Variants in DCP1B observed in about 807,000 individuals in gnomAD.
DCP1B encodes decapping mRNA 1B, also known as mRNA-decapping enzyme 1B.
A neutral mutation model predicts 60.5 loss-of-function variants in DCP1B; 47 were observed. The observed-to-expected ratio is 0.78, with a 90% confidence interval of 0.61 to 0.99. The LOEUF (loss-of-function observed/expected upper bound fraction) is 0.99, where lower values mean the gene tolerates loss of function less well. Ranked by LOEUF, DCP1B falls within the 50% of genes least tolerant of loss-of-function variation. DCP1B has a pLI of 0.00. For missense variants in DCP1B, 725 were observed against 756.8 expected (o/e 0.96, Z 0.49); for synonymous variants, 267 against 280.3 (o/e 0.95, Z 0.47).
chr12:1,991,409 C>T (rs770643452), intron 3 of DCP1B: 4 of 234,494 alleles, frequency 1.7e-5, no homozygotes, highest in Admixed American at 5.1e-5. Flanking sequence ...GAACCACGAA[C>T]GTGAGCCACA....
rs2042972177 is a variant in DCP1B at position 2,004,457 on chromosome 12, C to T, written c.-26G>A. 1.9e-6 allele frequency: 3 copies of T among 1,591,612 alleles called. No individual in the cohort carries two copies. Among genetic ancestry groups the T allele is most frequent in the South Asian group, 2.3e-5 (2 of 87,122 alleles). ...CTTCCCTCCCTCCCAGACATAGGCA[C>T]GGGGCTCTTGGAAGCCACTCTCAAT... On this transcript the variant is annotated 5_prime_UTR_variant, in exon 1 of 9. In the 5' UTR this introduces an upstream ATG that the reference lacks. Transcript: ENST00000280665.
At chr12:1,947,785 T>C (rs1206527270) in intron 8 of DCP1B, among the ~76,000 whole-genome samples, 1 of 152,204 alleles carries the variant, frequency 6.6e-6, no homozygotes, top group Non-Finnish European at 1.5e-5. Context: ...TCTCTGATTG[T>C]TATTATGCTT....
At chr12:1,973,786 A>T (rs116592461) in intron 3 of DCP1B, among the ~76,000 whole-genome samples, 135 of 152,320 alleles carry the variant, frequency 8.9e-4, no homozygotes, top group African/African-American at 3.0e-3. Context: ...AATAGAAACA[A>T]CTTATTCTGC....
At chr12:2,004,158 A>G in intron 1 of DCP1B, 124 bp downstream of exon 1, 1 of 1,381,152 alleles carries the variant, frequency 7.2e-7, no homozygotes, top group Non-Finnish European at 9.8e-7. Context: ...CTCAGTCCCC[A>G]GATCCACCCA....
chr12:1,970,727 G>C (rs1259447638), intron 3 of DCP1B: 1 of 183,702 alleles, frequency 5.4e-6, no homozygotes, highest in Non-Finnish European at 1.1e-5. Flanking sequence ...CAGAAACCAT[G>C]AAGTTCACAT....
downstream of DCP1B, among the ~76,000 whole-genome samples, chr12:1,942,046 T>C (rs1300320053): frequency 6.6e-6 from 1 of 151,798 alleles, no homozygotes; most frequent in Non-Finnish European, 1.5e-5. Flanking sequence ...AGGAGACCCA[T>C]CTCACGTGCA....
At chr12:1,941,998 T>C (rs577896984), downstream of DCP1B, among the ~76,000 whole-genome samples, 4 of 152,050 alleles carry the variant, frequency 2.6e-5, no homozygotes, top group Admixed American at 6.5e-5. Flanking sequence ...GAGTGGCAAA[T>C]TGGATAAAGA....
At position 1,952,537 on chromosome 12, in the gene DCP1B, G is replaced by C. The variant is rs781036714; in HGVS notation, c.1403C>G (p.Ser468Cys). 1 of 1,614,190 alleles carries C rather than the reference G, an allele frequency of 6.2e-7. No homozygotes were observed. The highest frequency in any genetic ancestry group is 1.7e-5 in the Admixed American group (1 of 60,018). Residue 468 changes from serine to cysteine, a missense_variant, in exon 7 of 9, where the codon TCT (serine) becomes TGT (cysteine). By Grantham distance (112) the Ser-to-Cys change is moderately radical. Transcript: ENST00000280665. ...CTTAGCGGCCAAGGCTGGCCGGTTAGAGGCATGCAGCTGCTGCTCCTGCTG... is the reference window on the plus strand; with the variant it reads ...CTTAGCGGCCAAGGCTGGCCGGTTACAGGCATGCAGCTGCTGCTCCTGCTG... ...IVQQEQQLHA[S>C]NRPALAAKFP...
chr12:1,943,403 T>C (rs2030326924), downstream of DCP1B, among the ~76,000 whole-genome samples: 3 of 152,014 alleles, frequency 2.0e-5, no homozygotes, highest in South Asian at 4.1e-4. Context: ...TTCCAAACAG[T>C]AGAAAAAGAG....
intron 8 of DCP1B, 68 bp from the exon 9 acceptor site, chr12:1,946,354 CT>C: frequency 1.5e-6 from 2 of 1,294,822 alleles, no homozygotes; most frequent in Non-Finnish European, 2.1e-6. Context: ...CTTCCTCTGT[CT>C]TAGAGCTGAA....
At position 1,972,679 on chromosome 12, in the gene DCP1B, A is replaced by G. The variant is rs142301540; in HGVS notation, c.320-4769T>C. On this transcript the variant is annotated intron_variant, in intron 3 of 8. Coordinates refer to ENST00000280665, the MANE Select transcript of DCP1B (RefSeq NM_152640.5). ...TCTCCCAGCCTTTCAAATGAAATACATGAAGCATTCAAATTTGTTTTTACA... is the reference window on the plus strand; with the variant it reads ...TCTCCCAGCCTTTCAAATGAAATACGTGAAGCATTCAAATTTGTTTTTACA... Among the ~76,000 whole-genome samples, 9 of 152,314 alleles carry G rather than the reference A, an allele frequency of 5.9e-5. No individual in the cohort carries two copies. The East Asian group carries it at 1.7e-3, about 29-fold the overall frequency.
chr12:1,978,906 T>C (rs1458078812), intron 3 of DCP1B, among the ~76,000 whole-genome samples: 3 of 152,248 alleles, frequency 2.0e-5, no homozygotes, highest in African/African-American at 7.2e-5. Context: ...TCTATTATTA[T>C]ATACCAAAAT....
At chr12:1,995,802 C>T (rs536059846) in intron 2 of DCP1B, among the ~76,000 whole-genome samples, 1 of 152,340 alleles carries the variant, frequency 6.6e-6, no homozygotes, top group Non-Finnish European at 1.5e-5. Context: ...TTTATACTCA[C>T]TCCTTCAGGG....
At chr12:1,959,663 G>C (rs571983697) in intron 5 of DCP1B, among the ~76,000 whole-genome samples, 1 of 152,194 alleles carries the variant, frequency 6.6e-6, no homozygotes, top group Non-Finnish European at 1.5e-5. Context: ...AGCTATTATG[G>C]AAAATAGCAT....
chr12:1,958,914 C>T (rs1465960636), intron 5 of DCP1B, among the ~76,000 whole-genome samples: 2 of 115,002 alleles, frequency 1.7e-5, no homozygotes, highest in African/African-American at 3.6e-5. Flanking sequence ...TCCCCAACGT[C>T]GCTCTGGGCA....
At chr12:1,984,123 C>A (rs1015628004) in intron 3 of DCP1B, among the ~76,000 whole-genome samples, 1 of 152,020 alleles carries the variant, frequency 6.6e-6, no homozygotes, top group African/African-American at 2.4e-5. Flanking sequence ...TATATTGTTA[C>A]ATTTAAAATG....
chr12:1,949,172 G>A lies in DCP1B; in HGVS notation c.1687C>T (p.Pro563Ser). The A allele has an allele frequency of 5.0e-6, 8 of 1,614,176 alleles. No homozygotes were observed. Among genetic ancestry groups the A allele is most frequent in the Non-Finnish European group, 6.8e-6 (8 of 1,180,024 alleles). ...PPAAATSLLLPIQSPEPSVIT... is the reference protein window; with the variant it reads ...PPAAATSLLLSIQSPEPSVIT... ...ACGGAGGGCTCCGGGCTCTGTATGG[G>A]CAGGAGGAGGCTGGTGGCAGCAGCA... The change falls in exon 8 of 9, where the codon CCC becomes TCC. Residue 563 changes from proline to serine, a missense_variant. Coordinates refer to ENST00000280665, the MANE Select transcript of DCP1B (RefSeq NM_152640.5).
intron 3 of DCP1B, among the ~76,000 whole-genome samples, chr12:1,981,102 T>C (rs1187564278): frequency 6.6e-6 from 1 of 152,188 alleles, no homozygotes; most frequent in East Asian, 1.9e-4. Context: ...GATGAGGATG[T>C]ATGGCATTCT....
chr12:2,004,125 G>T, intron 1 of DCP1B, 157 bp downstream of exon 1: 1 of 1,025,356 alleles, frequency 9.8e-7, no homozygotes, highest in Non-Finnish European at 1.4e-6. Flanking sequence ...AAACCCCCGA[G>T]ACCCCATCTC....
Sources: allele counts gnomAD v4.1 joint callset (sites outside exome capture counted in the v4.1 genomes callset), GRCh38; gene constraint gnomAD v4.1.1; transcripts MANE v1.5; gene names NCBI Gene and HGNC (gene_info 2026-07-23, HGNC 2026-07-21).